The following RNLS variants were observed in gnomAD, a reference collection of about 807,000 sequenced individuals.
The protein encoded by RNLS is renalase, FAD dependent amine oxidase.
In RNLS, 39 loss-of-function variants were observed where a neutral mutation model predicts 39.8. The observed-to-expected ratio is 0.98, with a 90% CI of 0.76 to 1.28. The LOEUF (loss-of-function observed/expected upper bound fraction) is 1.28, where lower values mean the gene tolerates loss of function less well. Ranked by LOEUF, RNLS falls within the 50% of genes most tolerant of loss-of-function variation. RNLS has a pLI of 0.00. For synonymous variants in RNLS, 147 were observed against 150.7 expected (o/e 0.98, Z 0.18); for missense variants, 410 against 413.3 (o/e 0.99, Z 0.07).
chr10:88,417,342 A>G (rs1564783584), intron 4 of RNLS, among the ~76,000 whole-genome samples: 1 of 152,186 alleles, frequency 6.6e-6, no homozygotes, highest in Non-Finnish European at 1.5e-5. Flanking sequence ...TGCTTCCTAC[A>G]GTTAGAAAAC....
In RNLS at chr10:88,537,259, C is replaced by T. The variant is rs140375049; in HGVS notation, c.526+35644G>A. Among the ~76,000 whole-genome samples the T allele has an allele frequency of 2.6e-3, 396 of 152,238 alleles. 2 individuals are homozygous for T. The highest frequency in any genetic ancestry group is 0.012 in the East Asian group (64 of 5,184). ...TACTATCAACTCAATACAGTAACTCCGGTTGATTCCTGCTGATCAGAAGTT... is the reference window on the plus strand; with the variant it reads ...TACTATCAACTCAATACAGTAACTCTGGTTGATTCCTGCTGATCAGAAGTT... On this transcript the variant is annotated intron_variant, in intron 4 of 6. Coordinates refer to ENST00000331772, the MANE Select transcript of RNLS (RefSeq NM_001031709.3).
chr10:88,227,356 C>T, the RNLS span, among the ~76,000 whole-genome samples: 5 of 152,192 alleles, frequency 3.3e-5, no homozygotes, highest in South Asian at 8.3e-4. Flanking sequence ...GTTGGGAATG[C>T]ACTATAATGA....
At chr10:88,401,301 A>G (rs1039994182) in intron 4 of RNLS, among the ~76,000 whole-genome samples, 4 of 152,098 alleles carry the variant, frequency 2.6e-5, no homozygotes, top group Non-Finnish European at 5.9e-5. Context: ...TAAATTAACC[A>G]TAATAAATAT....
the RNLS span, among the ~76,000 whole-genome samples, chr10:88,226,640 A>G: frequency 6.6e-6 from 1 of 152,072 alleles, no homozygotes; most frequent in East Asian, 1.9e-4. Flanking sequence ...ATCAGTTTCT[A>G]AAGAAGAGGC....
At chr10:88,288,541 T>C (rs1843445805) in intron 6 of RNLS, among the ~76,000 whole-genome samples, 1 of 152,172 alleles carries the variant, frequency 6.6e-6, no homozygotes, top group South Asian at 2.1e-4. Flanking sequence ...TCTCCATTTG[T>C]GGTAAAATTT....
the RNLS span, among the ~76,000 whole-genome samples, chr10:88,215,956 T>A: frequency 6.6e-6 from 1 of 152,142 alleles, no homozygotes; most frequent in Non-Finnish European, 1.5e-5. Flanking sequence ...CATCTTGGCC[T>A]CTCAAAGTGT....
chr10:88,377,441 T>C (rs897043449), intron 4 of RNLS, among the ~76,000 whole-genome samples: 3 of 152,160 alleles, frequency 2.0e-5, no homozygotes, highest in Non-Finnish European at 4.4e-5. Flanking sequence ...GTGAATATCA[T>C]AGAGAGTACT....
chr10:88,510,275 A>C (rs923170680), intron 4 of RNLS, among the ~76,000 whole-genome samples: 57 of 152,182 alleles, frequency 3.7e-4, no homozygotes, highest in African/African-American at 1.3e-3. Flanking sequence ...AAACATTTAA[A>C]GAAAAAAAAA....
intron 4 of RNLS, among the ~76,000 whole-genome samples, chr10:88,443,575 C>T (rs1841854799): frequency 6.6e-6 from 1 of 152,212 alleles, no homozygotes; most frequent in African/African-American, 2.4e-5. Context: ...CCAAGCAAAG[C>T]TGTGACAGAC....
the RNLS span, among the ~76,000 whole-genome samples, chr10:88,193,371 G>C: frequency 6.6e-6 from 1 of 152,086 alleles, no homozygotes; most frequent in African/African-American, 2.4e-5. Context: ...ACAGAACAGA[G>C]TGCGAACACA....
chr10:88,583,134 C>G lies in RNLS; in HGVS notation c.57G>C (p.Leu19=), dbSNP rs778671543. The G allele has an allele frequency of 6.2e-6, 10 of 1,614,122 alleles. No individual in the cohort carries two copies. The highest frequency in any genetic ancestry group is 1.1e-5 in the South Asian group (1 of 91,080). The change falls in exon 1 of 7, where the codon CTG becomes CTC. Residue 19 remains leucine (L), a synonymous_variant. Transcript: ENST00000331772. ...AGGGACCGGACGTCTGCCTCCTCAG[C>G]AGCGCAGCGCACAAGCTTCCTGTCA... The part of the protein sequence containing the change: ...AGMTGSLCAA[L]LRRQTSGPLY...
the RNLS span, among the ~76,000 whole-genome samples, chr10:88,199,233 G>T: frequency 3.3e-5 from 5 of 152,170 alleles, no homozygotes; most frequent in African/African-American, 1.2e-4. Flanking sequence ...ACACTGCTGT[G>T]CGGTGGAAAC....
chr10:88,494,332 T>G (rs1205335957), intron 4 of RNLS, among the ~76,000 whole-genome samples: 1 of 152,160 alleles, frequency 6.6e-6, no homozygotes, highest in Non-Finnish European at 1.5e-5. Context: ...ACCTATCCTT[T>G]CAGTAAGACA....
At chr10:88,303,908 G>A (rs547554698) in intron 6 of RNLS, among the ~76,000 whole-genome samples, 1 of 152,278 alleles carries the variant, frequency 6.6e-6, no homozygotes, top group South Asian at 2.1e-4. Context: ...CTCCACCAAT[G>A]TGGTGAACAC....
intron 5 of RNLS, among the ~76,000 whole-genome samples, chr10:88,320,191 C>A (rs141772460): frequency 6.6e-6 from 1 of 150,904 alleles, no homozygotes; most frequent in Non-Finnish European, 1.5e-5. Flanking sequence ...TATACCCTGC[C>A]AAACTACACC....
exon 7 of RNLS, chr10:88,274,484 T>C (rs909150530): frequency 6.5e-6 from 1 of 154,464 alleles, no homozygotes; most frequent in African/African-American, 2.4e-5. Flanking sequence ...CTTTGCATAA[T>C]GACTTTAAGC....
chr10:88,565,232 CTAGTT>C (rs1444625033), intron 4 of RNLS, among the ~76,000 whole-genome samples: 3 of 152,078 alleles, frequency 2.0e-5, no homozygotes, highest in Non-Finnish European at 2.9e-5. Context: ...ACAGTCCTCT[CTAGTT>C]TAGATTCTAA....
chr10:88,529,463 TTC>T (rs748129720), intron 4 of RNLS, among the ~76,000 whole-genome samples: 23 of 152,168 alleles, frequency 1.5e-4, no homozygotes, highest in Admixed American at 3.9e-4. Flanking sequence ...CCTTTCCTCT[TTC>T]TCTCTCTCAG....
intron 6 of RNLS, among the ~76,000 whole-genome samples, chr10:88,310,002 C>T (rs1292200235): frequency 6.6e-6 from 1 of 152,024 alleles, no homozygotes; most frequent in African/African-American, 2.4e-5. Context: ...CGCTTGAGTC[C>T]TGGAGTTCAA....
Sources: allele counts gnomAD v4.1 joint callset (sites outside exome capture counted in the v4.1 genomes callset), GRCh38; gene constraint gnomAD v4.1.1; transcripts MANE v1.5; gene names NCBI Gene and HGNC (gene_info 2026-07-23, HGNC 2026-07-21).